The following RP1 variants were observed in gnomAD, a reference collection of about 807,000 sequenced individuals.
RP1 encodes oxygen-regulated protein 1.
A neutral mutation model predicts 14.8 loss-of-function variants in RP1; 16 were observed. The ratio of observed to expected loss-of-function variants is 1.08; its 90% CI spans 0.73 to 1.65. The LOEUF (loss-of-function observed/expected upper bound fraction) is 1.65, where lower values mean the gene tolerates loss of function less well. Ranked by LOEUF, RP1 falls within the 40% of genes most tolerant of loss-of-function variation. RP1 has a pLI of 0.00. For synonymous variants in RP1, 876 were observed against 883.6 expected (o/e 0.99, Z 0.15); for missense variants, 2,631 against 2,535.0 (o/e 1.04, Z -0.81).
At chr8:54,599,317 A>G (rs1187735871) in intron 1 of RP1, among the ~76,000 whole-genome samples, 1 of 151,476 alleles carries the variant, frequency 6.6e-6, no homozygotes, top group East Asian at 1.9e-4. Flanking sequence ...TATATCTTCT[A>G]TTTCTAAGGC....
At chr8:54,813,377 T>C (rs1348488149) in intron 24 of RP1, among the ~76,000 whole-genome samples, 2 of 152,164 alleles carry the variant, frequency 1.3e-5, no homozygotes, top group Non-Finnish European at 2.9e-5. Context: ...CCTCAGTGCT[T>C]TGCCTCAACT....
At chr8:54,747,266 T>C (rs1809248730) in intron 19 of RP1, among the ~76,000 whole-genome samples, 1 of 152,188 alleles carries the variant, frequency 6.6e-6, no homozygotes, top group African/African-American at 2.4e-5. Context: ...ATCTGTCCCC[T>C]GCCCACCTCT....
rs752083635 is a variant in RP1 at position 54,739,035 on chromosome 8, CA to C, written c.2808+7del. ...CCGAGTGGAACTTGCAGAGGGTAATCATGTCACTTATTTTTTTCTTCATAGT... is the reference window on the plus strand; with the variant it reads ...CCGAGTGGAACTTGCAGAGGGTAATCTGTCACTTATTTTTTTCTTCATAGT... On this transcript the variant is annotated splice_region_variant and intron_variant, in intron 19 of 22. Transcript: ENST00000636932. 2.0e-6 allele frequency: 3 copies of C among 1,521,776 alleles called. No individual in the cohort carries two copies. The South Asian group carries it at 3.6e-5, about 18-fold the overall frequency. The allele number at this position is 1,521,776 out of a possible 1,614,324, so 94.3% of individuals were successfully genotyped here.
chr8:54,751,905 G>A (rs192948071), intron 19 of RP1, among the ~76,000 whole-genome samples: 12 of 152,276 alleles, frequency 7.9e-5, no homozygotes, highest in Non-Finnish European at 1.8e-4. Context: ...AGTGGTGTTC[G>A]TGGGGTTGCA....
At chr8:54,857,116 A>G in intron 27 of RP1, 1 of 1,194,526 alleles carries the variant, frequency 8.4e-7, no homozygotes, top group Non-Finnish European at 1.0e-6. Context: ...GGTAAGATTT[A>G]GTTTCTTGGT....
At chr8:54,747,716 C>T (rs1345531019) in intron 19 of RP1, among the ~76,000 whole-genome samples, 1 of 152,220 alleles carries the variant, frequency 6.6e-6, no homozygotes, top group Non-Finnish European at 1.5e-5. Context: ...GCCTGGGCAA[C>T]ATGGGAAGAC....
At chr8:54,633,735 C>CTATATA (rs1348966106), downstream of RP1, among the ~76,000 whole-genome samples, 295 of 126,456 alleles carry the variant, frequency 2.3e-3, 3 homozygotes, top group African/African-American at 5.9e-3. Context: ...CTCTCTCTCT[C>CTATATA]TCTATATATA....
chr8:54,655,443 T>C (rs1806734614), intron 5 of RP1, among the ~76,000 whole-genome samples: 1 of 80,784 alleles, frequency 1.2e-5, no homozygotes, highest in African/African-American at 3.6e-5. Context: ...CCAGGATAAA[T>C]GGATCAGGTA....
intron 24 of RP1, among the ~76,000 whole-genome samples, chr8:54,794,649 C>T (rs973796894): frequency 6.6e-6 from 1 of 151,988 alleles, no homozygotes; most frequent in Non-Finnish European, 1.5e-5. Flanking sequence ...GCAAAACCCA[C>T]TTTTCCCTAT....
intron 24 of RP1, among the ~76,000 whole-genome samples, chr8:54,802,655 A>G (rs1346105631): frequency 6.6e-6 from 1 of 152,210 alleles, no homozygotes; most frequent in African/African-American, 2.4e-5. Context: ...AAGTATTTCT[A>G]TGATACACAC....
At chr8:54,812,769 CT>C (rs1811035566) in intron 24 of RP1, among the ~76,000 whole-genome samples, 1 of 140,770 alleles carries the variant, frequency 7.1e-6, no homozygotes, top group Middle Eastern at 3.7e-3. Flanking sequence ...TATCATCTAT[CT>C]ATCTATCTAT....
At chr8:54,735,930 T>TAGATTCTC (rs1253874048) in intron 18 of RP1, among the ~76,000 whole-genome samples, 1 of 152,212 alleles carries the variant, frequency 6.6e-6, no homozygotes, top group Non-Finnish European at 1.5e-5. Context: ...ATGGATGGTA[T>TAGATTCTC]AGATTCTCAG....
chr8:54,757,383 C>T (rs1809535830), intron 21 of RP1, among the ~76,000 whole-genome samples: 1 of 152,218 alleles, frequency 6.6e-6, no homozygotes, highest in Admixed American at 6.5e-5. Flanking sequence ...TCTTTCCAGA[C>T]CTCAAAGTGT....
chr8:54,620,916 G>A (rs1340079051), intron 1 of RP1, 39 bp from the exon 2 acceptor site: 1 of 1,586,944 alleles, frequency 6.3e-7, no homozygotes, highest in South Asian at 1.1e-5. Flanking sequence ...TATTCGCTAT[G>A]GTGCTGTGAT....
chr8:54,620,798 C>T (rs967894742), intron 1 of RP1, among the ~76,000 whole-genome samples, 157 bp from the exon 2 acceptor site: 2 of 151,838 alleles, frequency 1.3e-5, no homozygotes, highest in African/African-American at 2.4e-5. Flanking sequence ...TTAAAATTGT[C>T]GTTCAAAATT....
At chr8:54,647,853 G>A (rs1806579237) in intron 3 of RP1, among the ~76,000 whole-genome samples, 1 of 151,972 alleles carries the variant, frequency 6.6e-6, no homozygotes, top group East Asian at 1.9e-4. Flanking sequence ...ACCACATCTG[G>A]CTTTCATTTT....
chr8:54,856,060 A>G (rs1032665777), intron 26 of RP1, among the ~76,000 whole-genome samples: 1 of 152,108 alleles, frequency 6.6e-6, no homozygotes, highest in Admixed American at 6.5e-5. Context: ...GCATTATTCT[A>G]GGAATAATGT....
intron 24 of RP1, among the ~76,000 whole-genome samples, chr8:54,835,857 C>T (rs1270580883): frequency 3.3e-5 from 5 of 152,158 alleles, no homozygotes; most frequent in African/African-American, 9.7e-5. Context: ...TGATTTCTAT[C>T]ATATTCCTTC....
At chr8:54,636,993 C>T (rs1563335551) in intron 3 of RP1, among the ~76,000 whole-genome samples, 1 of 152,266 alleles carries the variant, frequency 6.6e-6, no homozygotes, top group East Asian at 1.9e-4. Flanking sequence ...CCCTGTTCAC[C>T]TATTAGTTTG....
Sources: gnomAD v4.1 joint callset for allele counts (sites outside exome capture counted in the v4.1 genomes callset) on GRCh38, gnomAD v4.1.1 for gene constraint, MANE v1.5 for transcripts, NCBI Gene and HGNC (gene_info 2026-07-23, HGNC 2026-07-21) for gene names.